PGAP3: variants seen among roughly 807,000 people sequenced by gnomAD.
PGAP3 encodes post-GPI attachment to proteins phospholipase 3, also known as GPI-specific phospholipase A2-like PGAP3.
In PGAP3, 31 loss-of-function variants were observed where a neutral mutation model predicts 40.3. The ratio of observed to expected loss-of-function variants is 0.77; its 90% CI spans 0.58 to 1.04. The LOEUF (loss-of-function observed/expected upper bound fraction) is 1.04. PGAP3 is among the 50% of genes least tolerant of loss of function. PGAP3 has a pLI of 0.00. For synonymous variants in PGAP3, 191 were observed against 184.5 expected, an observed-to-expected ratio of 1.04 and a Z score of -0.29; for missense variants, 413 against 423.0, an observed-to-expected ratio of 0.98 and a Z score of 0.21.
intron 3 of PGAP3, among the ~76,000 whole-genome samples, chr17:39,681,999 T>C (rs1409711221): frequency 6.6e-6 from 1 of 151,302 alleles, no homozygotes; most frequent in African/African-American, 2.4e-5. Context: ...GGCAGGCGGA[T>C]CACGAGATCA....
chr17:39,678,885 A>G (rs1171349757), intron 3 of PGAP3, among the ~76,000 whole-genome samples: 1 of 152,158 alleles, frequency 6.6e-6, no homozygotes, highest in African/African-American at 2.4e-5. Flanking sequence ...CCCACATCCC[A>G]TAAGACACAC....
At position 39,688,007 on chromosome 17, in the gene PGAP3, C is replaced by G. The variant is rs767944583; in HGVS notation, c.8G>C (p.Gly3Ala). 1.4e-6 allele frequency: 2 copies of G among 1,408,114 alleles called. No individual in the cohort carries two copies. The highest frequency in any genetic ancestry group is 1.9e-6 in the Non-Finnish European group (2 of 1,063,610). The allele number at this position is 1,408,114 out of a possible 1,614,324, so 87.2% of individuals were successfully genotyped here. MA[G>A]LAARLVLLAG... is the part of the protein sequence containing the mutation. ...TAGCAGGACCAACCGCGCCGCCAGG[C>G]CGGCCATCCTTTCTCCCTGGCTCGC... Residue 3 changes from glycine (G) to alanine (A), a missense_variant, in exon 1 of 8, where the codon GGC (glycine) becomes GCC (alanine). By Grantham distance (60) the Gly-to-Ala change is moderately conservative. Coordinates refer to ENST00000300658, the MANE Select transcript of PGAP3 (RefSeq NM_033419.5).
chr17:39,679,217 T>C (rs2057410547), intron 3 of PGAP3, among the ~76,000 whole-genome samples: 1 of 152,160 alleles, frequency 6.6e-6, no homozygotes, highest in Non-Finnish European at 1.5e-5. Context: ...AGTGCTGGGA[T>C]TACAGACGTG....
At chr17:39,679,411 C>T (rs2057413063) in intron 3 of PGAP3, among the ~76,000 whole-genome samples, 1 of 152,150 alleles carries the variant, frequency 6.6e-6, no homozygotes, top group South Asian at 2.1e-4. Context: ...CCCCTGGCCT[C>T]TGGCACATGT....
chr17:39,672,856 C>T lies in PGAP3; in HGVS notation c.910G>A (p.Asp304Asn), dbSNP rs955557371. ...VHVLFFSFLE[D>N]DSLYLLKESE... The stretch of plus-strand genomic sequence containing the variant: ...TCCTTCAGCAGGTACAGGCTGTCAT[C>T]TTCCAGAAAGCTGTGGGCCAAAGGA... The change falls in exon 8 of 8, where the codon GAT becomes AAT. Residue 304 changes from aspartate (D) to asparagine (N), a missense_variant. Asp to Asn is a conservative substitution (Grantham distance 23). Coordinates refer to ENST00000300658, the MANE Select transcript of PGAP3 (RefSeq NM_033419.5). The T allele has an allele frequency of 6.2e-7, 1 of 1,614,038 alleles. No individual in the cohort carries two copies. Among genetic ancestry groups the T allele is most frequent in the African/African-American group, 1.3e-5 (1 of 74,934 alleles).
Position 39,687,934 on chromosome 17 carries a change from C to A in PGAP3, c.81G>T (p.Pro27=), listed in dbSNP as rs780280407. 2.3e-5 allele frequency: 34 copies of A among 1,492,544 alleles called. 1 individual carries two copies. Among genetic ancestry groups the A allele is most frequent in the South Asian group, 7.5e-5 (6 of 79,500 alleles). The allele number at this position is 1,492,544 out of a possible 1,614,324, so 92.5% of individuals were successfully genotyped here. A position where few individuals can be genotyped will look rare whatever the true frequency, so the allele number is the denominator to read the frequency against. ...ACTGCAGTACGCAGTCGCGGTACAC[C>A]GGCTCACGGTCGCCCTGGGAGCCGC... is the stretch of plus-strand genomic sequence containing the variant. ...LASGSQGDRE[P]VYRDCVLQCE... is the part of the protein sequence containing the mutation. The change falls in exon 1 of 8, where the codon CCG becomes CCT. Residue 27 remains proline (P), a synonymous_variant. Transcript: ENST00000300658.
At chr17:39,676,966 G>A (rs1383877679) in intron 3 of PGAP3, among the ~76,000 whole-genome samples, 1 of 152,140 alleles carries the variant, frequency 6.6e-6, no homozygotes, top group Non-Finnish European at 1.5e-5. Context: ...GGCAGATAAG[G>A]GGTGGTCTCC....
chr17:39,673,443 A>G (rs867587656), intron 6 of PGAP3, 71 bp downstream of exon 6: 3 of 1,602,288 alleles, frequency 1.9e-6, no homozygotes, highest in Middle Eastern at 3.3e-4. Context: ...TTCTCCAGGA[A>G]TGGCACCAAC....
chr17:39,673,940 C>T, intron 5 of PGAP3, 53 bp downstream of exon 5: 3 of 1,581,026 alleles, frequency 1.9e-6, no homozygotes, highest in Non-Finnish European at 2.6e-6. Flanking sequence ...TGGGTGACCC[C>T]TTTCTGCCCC....
intron 1 of PGAP3, among the ~76,000 whole-genome samples, chr17:39,686,522 C>T (rs991919999): frequency 7.0e-6 from 1 of 143,798 alleles, no homozygotes; most frequent in Non-Finnish European, 1.5e-5. Context: ...ACCTAAAGTG[C>T]GGGGATTGCA....
At position 39,683,896 on chromosome 17, in the gene PGAP3, G is replaced by C. The variant is rs573068092; in HGVS notation, c.432+701C>G. 3.8e-4 allele frequency among the ~76,000 whole-genome samples: 58 copies of C among 152,168 alleles called. 1 individual carries two copies. Among genetic ancestry groups the C allele is most frequent in the African/African-American group, 1.3e-3 (52 of 41,500 alleles). On this transcript the variant is annotated intron_variant, in intron 3 of 7. Coordinates refer to ENST00000300658, the MANE Select transcript of PGAP3 (RefSeq NM_033419.5). ...TCCCTGCACTTTGGGAGGCCGAGGTGGGTGGATCACCTGAGGTTGGGAGTT... is the reference window on the plus strand; with the variant it reads ...TCCCTGCACTTTGGGAGGCCGAGGTCGGTGGATCACCTGAGGTTGGGAGTT...
chr17:39,672,260 C>T lies in PGAP3; in HGVS notation c.*543G>A, dbSNP rs1292553369. The T allele has an allele frequency of 1.3e-5, 2 of 158,258 alleles. No individual in the cohort carries two copies. The highest frequency in any genetic ancestry group is 2.8e-5 in the Non-Finnish European group (2 of 71,602). The allele number at this position is 158,258 out of a possible 1,614,324, so 9.8% of individuals were successfully genotyped here. On this transcript the variant is annotated 3_prime_UTR_variant, in exon 8 of 8. Transcript: ENST00000300658. ...TAGGGCAATGGTCAGGGTGAAACTC[C>T]TTCCCAATCCCAGCAGCTTGGTCCC...
chr17:39,681,796 C>T (rs1370611858), intron 3 of PGAP3, among the ~76,000 whole-genome samples: 2 of 152,220 alleles, frequency 1.3e-5, no homozygotes, highest in African/African-American at 4.8e-5. Flanking sequence ...GCCTGAGCCA[C>T]CGCACTTGAT....
intron 3 of PGAP3, among the ~76,000 whole-genome samples, chr17:39,678,373 C>A (rs1307566963): frequency 6.6e-6 from 1 of 152,206 alleles, no homozygotes; most frequent in East Asian, 1.9e-4. Context: ...ATTGGTTTGG[C>A]CTTCTGGCTT....
At position 39,687,995 on chromosome 17, in the gene PGAP3, C is replaced by T; in HGVS notation, c.20G>A (p.Arg7Gln). The part of the protein sequence containing the change: MAGLAA[R>Q]LVLLAGAAAL... ...CGCTGCCCCAGCTAGCAGGACCAAC[C>T]GCGCCGCCAGGCCGGCCATCCTTTC... The change falls in exon 1 of 8, where the codon CGG (arginine) becomes CAG (glutamine). Residue 7 changes from arginine to glutamine, a missense_variant. Arg to Gln is a conservative substitution (Grantham distance 43). Transcript: ENST00000300658. 7.0e-7 allele frequency: 1 copy of T among 1,423,188 alleles called. No homozygotes were observed. The highest frequency in any genetic ancestry group is 2.7e-5 in the Admixed American group (1 of 36,800). 88.2% of individuals were successfully genotyped at this position (1,423,188 alleles called of 1,614,324 possible).
rs748541242 is a variant in PGAP3 at position 39,673,065 on chromosome 17, G to A, written c.885C>T (p.His295=). ...AIWHISTIPV[H]VLFFSFLEDD... ...GCAGCACCCACCTGAAAAAGAGGAC[G>A]TGGACAGGGATGGTGCTGATGTGCC... Residue 295 remains histidine, a synonymous_variant, in exon 7 of 8, where the codon CAC becomes CAT. Coordinates refer to ENST00000300658, the MANE Select transcript of PGAP3 (RefSeq NM_033419.5). 1.1e-5 allele frequency: 18 copies of A among 1,606,856 alleles called. No homozygotes were observed. The highest frequency in any genetic ancestry group is 7.8e-5 in the South Asian group (7 of 89,488).
intron 3 of PGAP3, among the ~76,000 whole-genome samples, chr17:39,677,685 G>A (rs906352388): frequency 1.2e-4 from 18 of 152,240 alleles, no homozygotes; most frequent in South Asian, 2.1e-4. Context: ...ACACTGAGGA[G>A]AGGGGGTGGC....
chr17:39,687,972 C>G lies in PGAP3; in HGVS notation c.43G>C (p.Ala15Pro), dbSNP rs1290810316. Residue 15 changes from alanine to proline, a missense_variant, in exon 1 of 8, where the codon GCG (alanine) becomes CCG (proline). Physicochemically the swap from Ala to Pro is conservative, Grantham distance 27 (BLOSUM62 -1). Coordinates refer to ENST00000300658, the MANE Select transcript of PGAP3 (RefSeq NM_033419.5). ...AARLVLLAGAAALASGSQGDR... is the reference protein window; with the variant it reads ...AARLVLLAGAPALASGSQGDR... ...CCCTGGGAGCCGCTCGCCAGCGCCG[C>G]TGCCCCAGCTAGCAGGACCAACCGC... 3 of 1,467,630 alleles carry G rather than the reference C, an allele frequency of 2.0e-6. No individual in the cohort carries two copies. Among genetic ancestry groups the G allele is most frequent in the South Asian group, 2.6e-5 (2 of 76,908 alleles). 90.9% of individuals were successfully genotyped at this position (1,467,630 alleles called of 1,614,324 possible).
At chr17:39,680,182 G>C (rs968828924) in intron 3 of PGAP3, among the ~76,000 whole-genome samples, 3 of 152,200 alleles carry the variant, frequency 2.0e-5, no homozygotes, top group Non-Finnish European at 4.4e-5. Context: ...GAGTGGCCTA[G>C]AAGAAGAGCT....
Sources: allele counts gnomAD v4.1 joint callset (sites outside exome capture counted in the v4.1 genomes callset), GRCh38; gene constraint gnomAD v4.1.1; transcripts MANE v1.5; gene names NCBI Gene and HGNC (gene_info 2026-07-23, HGNC 2026-07-21).